ABCC12: variants seen among roughly 807,000 people sequenced by gnomAD.
ABCC12 encodes ATP binding cassette subfamily C member 12.
Under a neutral mutation model 151.1 loss-of-function variants are expected in ABCC12, and 142 were observed. That is an observed-to-expected ratio of 0.94 (90% CI 0.82 to 1.08). ABCC12 has a LOEUF of 1.08. ABCC12 is among the 50% of genes least tolerant of loss of function. ABCC12 has a pLI of 0.00. For missense variants in ABCC12, 1,638 were observed against 1,691.1 expected, an observed-to-expected ratio of 0.97 and a Z score of 0.55; for synonymous variants, 645 against 646.4, an observed-to-expected ratio of 1.00 and a Z score of 0.03.
Position 48,127,659 on chromosome 16 carries a change from T to A in ABCC12, c.1515+800A>T, listed in dbSNP as rs150519381. Among the ~76,000 whole-genome samples the A allele has an allele frequency of 3.1e-3, 465 of 152,360 alleles. 1 individual carries two copies. The highest frequency in any genetic ancestry group is 0.011 in the African/African-American group (443 of 41,586). The stretch of plus-strand genomic sequence containing the variant: ...AACCATCAAGTAGGGGCAGTTATGA[T>A]GCCTGGTTATTGAAGTGGTTAAGTG... On this transcript the variant is annotated intron_variant, in intron 11 of 30. Coordinates refer to ENST00000311303, the MANE Select transcript of ABCC12 (RefSeq NM_001393797.1).
At chr16:48,130,949 T>C in intron 9 of ABCC12, 54 bp from the exon 10 acceptor site, 1 of 1,264,582 alleles carries the variant, frequency 7.9e-7, no homozygotes, top group Non-Finnish European at 1.1e-6. Flanking sequence ...ACGTTGGCTC[T>C]AAACCGTTAT....
intron 8 of ABCC12, among the ~76,000 whole-genome samples, chr16:48,137,752 A>T (rs1438302556): frequency 6.6e-6 from 1 of 152,182 alleles, no homozygotes; most frequent in East Asian, 1.9e-4. Context: ...TATCAGCTTT[A>T]AAAAAAGTAA....
rs750668263 is a variant in ABCC12, at chr16:48,143,890, A to T, written c.275+20T>A. The T allele has an allele frequency of 6.2e-7, 1 of 1,609,460 alleles. No individual in the cohort carries two copies. The highest frequency in any genetic ancestry group is 1.1e-5 in the South Asian group (1 of 90,552). On this transcript the variant is annotated intron_variant, in intron 4 of 30. Transcript: ENST00000311303. ...AGTATGAAAATGGACTAATACAGTG[A>T]CCCAAGCAAATCCTGGTACCTTTTG...
At chr16:48,105,099 A>G (rs1963441854) in intron 21 of ABCC12, 40 bp downstream of exon 21, 1 of 1,611,564 alleles carries the variant, frequency 6.2e-7, no homozygotes, top group Non-Finnish European at 8.5e-7. Context: ...TACCTTGTTG[A>G]CTGAATAACT....
intron 22 of ABCC12, among the ~76,000 whole-genome samples, chr16:48,103,623 A>T (rs1186772210): frequency 2.0e-5 from 3 of 152,170 alleles, no homozygotes; most frequent in African/African-American, 7.2e-5. Flanking sequence ...CCCTCACCCA[A>T]TACCCACCAT....
intron 13 of ABCC12, among the ~76,000 whole-genome samples, chr16:48,120,706 C>T (rs934501199): frequency 6.6e-6 from 1 of 151,996 alleles, no homozygotes; most frequent in African/African-American, 2.4e-5. Flanking sequence ...CAGGTGCCCA[C>T]CACCACGCCC....
At chr16:48,141,115 T>C in intron 5 of ABCC12, 91 bp downstream of exon 5, 1 of 1,542,898 alleles carries the variant, frequency 6.5e-7, no homozygotes, top group Non-Finnish European at 8.8e-7. Flanking sequence ...GACAATGCAC[T>C]AAACCCACCA....
chr16:48,113,511 G>C (rs1490221780), intron 15 of ABCC12, among the ~76,000 whole-genome samples: 2 of 152,204 alleles, frequency 1.3e-5, no homozygotes, highest in Non-Finnish European at 2.9e-5. Flanking sequence ...GGATTTCAGT[G>C]GTTTCCTTAG....
chr16:48,082,565 A>T lies in ABCC12; in HGVS notation c.*1150T>A, dbSNP rs988967179. Among the ~76,000 whole-genome samples, 8 of 152,066 alleles carry T rather than the reference A, an allele frequency of 5.3e-5. No individual in the cohort carries two copies. In the East Asian group the frequency reaches 1.6e-3, roughly 29 times the overall value. Reference sequence around the variant, plus strand: ...TCCCGAGTGCTTCCAGGTGCCAGGCACTCCTTCCTCCACGTCTGGGGAAGC... The same window carrying T: ...TCCCGAGTGCTTCCAGGTGCCAGGCTCTCCTTCCTCCACGTCTGGGGAAGC... On this transcript the variant is annotated 3_prime_UTR_variant, in exon 31 of 31. Transcript: ENST00000311303.
chr16:48,151,237 C>T (rs114894051), intron 2 of ABCC12, among the ~76,000 whole-genome samples: 102 of 152,226 alleles, frequency 6.7e-4, no homozygotes, highest in African/African-American at 2.3e-3. Context: ...TGAGGTCCTC[C>T]GCCCAAAACC....
rs556101462 is a variant in ABCC12, at chr16:48,142,995, C to T, written c.275+915G>A. ...CAGGAGCATGGGAGAGATCCTTCCACGGCTTAAACTTCTGCTGCTTTCACA... is the reference window on the plus strand; with the variant it reads ...CAGGAGCATGGGAGAGATCCTTCCATGGCTTAAACTTCTGCTGCTTTCACA... On this transcript the variant is annotated intron_variant, in intron 4 of 30. Coordinates refer to ENST00000311303, the MANE Select transcript of ABCC12 (RefSeq NM_001393797.1). Among the ~76,000 whole-genome samples the T allele has an allele frequency of 1.9e-4, 29 of 152,222 alleles. 1 individual carries two copies. Among genetic ancestry groups the T allele is most frequent in the African/African-American group, 4.3e-4 (18 of 41,526 alleles).
At chr16:48,098,581 A>G (rs1963191901) in intron 23 of ABCC12, among the ~76,000 whole-genome samples, 1 of 152,202 alleles carries the variant, frequency 6.6e-6, no homozygotes, top group South Asian at 2.1e-4. Context: ...TCATGTAGCT[A>G]TACAGCATAC....
At chr16:48,085,374 A>G (rs57124014) in intron 29 of ABCC12, among the ~76,000 whole-genome samples, 1 of 152,040 alleles carries the variant, frequency 6.6e-6, no homozygotes, top group African/African-American at 2.4e-5. Context: ...AGACCTCCCC[A>G]GGGGAAGCCT....
At chr16:48,102,524 T>G (rs904041411) in intron 22 of ABCC12, among the ~76,000 whole-genome samples, 1 of 152,186 alleles carries the variant, frequency 6.6e-6, no homozygotes, top group Admixed American at 6.5e-5. Flanking sequence ...TTCAAGAACC[T>G]GGACACCCTA....
In ABCC12 at chr16:48,140,747, G is replaced by A. The variant is rs781126528; in HGVS notation, c.597C>T (p.Ser199=). ...RTAIRLKVAL[S]TLVFENLVSF... Reference sequence around the variant, plus strand: ...ACACTAGGTTTTCAAAAACCAAGGTGGAGAGCGCCACCTTCAACCGGATGG... The same window carrying A: ...ACACTAGGTTTTCAAAAACCAAGGTAGAGAGCGCCACCTTCAACCGGATGG... Residue 199 remains serine (S), a synonymous_variant, in exon 6 of 31, where the codon TCC becomes TCT. Coordinates refer to ENST00000311303, the MANE Select transcript of ABCC12 (RefSeq NM_001393797.1). The A allele has an allele frequency of 6.2e-7, 1 of 1,614,224 alleles. No individual in the cohort carries two copies. The highest frequency in any genetic ancestry group is 1.3e-5 in the African/African-American group (1 of 75,050).
intron 12 of ABCC12, 150 bp downstream of exon 12, chr16:48,124,063 C>T (rs1054166400): frequency 1.7e-5 from 14 of 824,508 alleles, no homozygotes; most frequent in Admixed American, 3.9e-5. Context: ...GGAGCTGCTG[C>T]GTGCATTAAC....
intron 2 of ABCC12, among the ~76,000 whole-genome samples, chr16:48,152,327 C>G (rs1382159479): frequency 3.3e-5 from 5 of 152,158 alleles, no homozygotes; most frequent in Non-Finnish European, 7.3e-5. Flanking sequence ...CAGAACCCAG[C>G]CCTGGTCTGG....
At chr16:48,122,848 T>A (rs1260547135) in intron 12 of ABCC12, among the ~76,000 whole-genome samples, 2 of 152,382 alleles carry the variant, frequency 1.3e-5, no homozygotes, top group African/African-American at 2.4e-5. Flanking sequence ...TATAGCCAAC[T>A]ATTGCTTACA....
chr16:48,112,013 T>A, intron 15 of ABCC12, 103 bp from the exon 16 acceptor site: 2 of 1,420,466 alleles, frequency 1.4e-6, no homozygotes, highest in East Asian at 2.4e-5. Context: ...AGGGGCCAGA[T>A]CATTCTTTGT....
Sources: allele counts gnomAD v4.1 joint callset (sites outside exome capture counted in the v4.1 genomes callset), GRCh38; gene constraint gnomAD v4.1.1; transcripts MANE v1.5; gene names NCBI Gene and HGNC (gene_info 2026-07-23, HGNC 2026-07-21).